The following HPS4 variants were observed in gnomAD, a reference collection of about 807,000 sequenced individuals.
HPS4 encodes the protein HPS4 biogenesis of lysosomal organelles complex 3 subunit 2.
Under a neutral mutation model 70.3 loss-of-function variants are expected in HPS4, and 44 were observed. The observed-to-expected ratio is 0.63, with a 90% CI of 0.49 to 0.80. The LOEUF is 0.80. HPS4 is among the 30% of genes least tolerant of loss of function. HPS4 has a pLI of 0.00. For missense variants in HPS4, 873 were observed against 884.4 expected, an observed-to-expected ratio of 0.99 and a Z score of 0.16; for synonymous variants, 377 against 355.9, an observed-to-expected ratio of 1.06 and a Z score of -0.67.
chr22:26,455,728 T>C (rs1043346001), intron 13 of HPS4, among the ~76,000 whole-genome samples: 1 of 151,334 alleles, frequency 6.6e-6, no homozygotes, highest in Non-Finnish European at 1.5e-5. Context: ...CTAAAACTTA[T>C]AATAATAATA....
exon 4 of HPS4, chr22:26,444,311 T>C: frequency 6.6e-6 from 1 of 152,198 alleles, no homozygotes; most frequent in East Asian, 1.9e-4. Flanking sequence ...CCCTGTGTCT[T>C]TGTCATGGCA....
Position 26,452,037 on chromosome 22 carries a change from C to A in HPS4, c.*1196G>T. 3.1e-6 allele frequency: 1 copy of A among 319,072 alleles called. No homozygotes were observed. The highest frequency in any genetic ancestry group is 2.6e-5 in the South Asian group (1 of 38,786). 19.8% of individuals were successfully genotyped at this position (319,072 alleles called of 1,614,324 possible). A position where few individuals can be genotyped will look rare whatever the true frequency, so the allele number is the denominator to read the frequency against. On this transcript the variant is annotated 3_prime_UTR_variant, in exon 14 of 14. Transcript: ENST00000398145. ...ACACACACACACACACACACACACA[C>A]ACACACTGTCTTAACCCTTACCTTT...
At chr22:26,471,050 G>A in intron 6 of HPS4, 1 of 723,996 alleles carries the variant, frequency 1.4e-6, no homozygotes, top group Non-Finnish European at 2.3e-6. Flanking sequence ...CTGTCCAGAA[G>A]CTAGAAGGTG....
Position 26,477,154 on chromosome 22 carries a change from A to AT in HPS4, c.133-19dup. 6.2e-7 allele frequency: 1 copy of AT among 1,614,106 alleles called. No homozygotes were observed. The highest frequency in any genetic ancestry group is 8.5e-7 in the Non-Finnish European group (1 of 1,179,936). ...AGCAGGGTCTGTGGGAAAGGAGCAC[A>AT]TTCCAGATAGGAAGCTGAAATTCTT... On this transcript the variant is annotated intron_variant, in intron 3 of 13. Coordinates refer to ENST00000398145, the MANE Select transcript of HPS4 (RefSeq NM_022081.6).
intron 8 of HPS4, 158 bp from the exon 9 acceptor site, chr22:26,466,420 T>C: frequency 1.3e-6 from 1 of 797,466 alleles, no homozygotes; most frequent in Non-Finnish European, 2.1e-6. Flanking sequence ...GAACAGAAGC[T>C]CCCCCAAGCT....
At chr22:26,478,081 T>C (rs1415232093) in intron 3 of HPS4, among the ~76,000 whole-genome samples, 1 of 152,216 alleles carries the variant, frequency 6.6e-6, no homozygotes, top group Admixed American at 6.5e-5. Context: ...AAAATTTGAA[T>C]ACAGTCTGGG....
chr22:26,476,345 G>T (rs2090540343), intron 4 of HPS4: 1 of 151,734 alleles, frequency 6.6e-6, no homozygotes, highest in South Asian at 2.1e-4. Flanking sequence ...GTAAAGGAAT[G>T]ATTTTTATTC....
At chr22:26,469,502 C>G (rs1314245820) in intron 7 of HPS4, among the ~76,000 whole-genome samples, 1 of 151,264 alleles carries the variant, frequency 6.6e-6, no homozygotes, top group Non-Finnish European at 1.5e-5. Flanking sequence ...AAATTGTGCT[C>G]TGTGTGTTCC....
chr22:26,479,128 A>T, intron 3 of HPS4, 137 bp downstream of exon 3: 4 of 845,108 alleles, frequency 4.7e-6, no homozygotes, highest in Non-Finnish European at 7.8e-6. Context: ...AAGAAATAGT[A>T]CAACTAAGAA....
downstream of HPS4, among the ~76,000 whole-genome samples, chr22:26,448,514 C>T (rs1413951044): frequency 3.9e-5 from 6 of 152,230 alleles, no homozygotes; most frequent in Non-Finnish European, 8.8e-5. Flanking sequence ...TCCCTCTCCT[C>T]CCCATGGGTT....
chr22:26,450,032 C>T (rs972702280), downstream of HPS4, among the ~76,000 whole-genome samples: 7 of 152,212 alleles, frequency 4.6e-5, no homozygotes, highest in African/African-American at 7.2e-5. Context: ...GCCATCTTCA[C>T]GTGGCCTTCT....
In HPS4 at chr22:26,452,811, G is replaced by A; in HGVS notation, c.*422C>T. ...CGGCACCTCGCTGTGCAGTCACACC[G>A]CCTACCACCACCTGGTGTGGGGGTT... On this transcript the variant is annotated 3_prime_UTR_variant, in exon 14 of 14. Transcript: ENST00000398145. The A allele has an allele frequency of 3.8e-6, 1 of 265,518 alleles. No homozygotes were observed. Among genetic ancestry groups the A allele is most frequent in the Non-Finnish European group, 7.4e-6 (1 of 135,612 alleles). The allele number at this position is 265,518 out of a possible 1,614,324, so 16.4% of individuals were successfully genotyped here.
At chr22:26,479,592 A>G in intron 2 of HPS4, 1 of 1,357,734 alleles carries the variant, frequency 7.4e-7, no homozygotes, top group Non-Finnish European at 9.5e-7. Context: ...CTGCCGGAGA[A>G]GACACGAGTA....
chr22:26,453,032 G>T lies in HPS4; in HGVS notation c.*201C>A. ...AATACAGTTCTTTATCAAGTGCTCTGGGTCTGCCGACCTGAAGAACTAACC... is the reference window on the plus strand; with the variant it reads ...AATACAGTTCTTTATCAAGTGCTCTTGGTCTGCCGACCTGAAGAACTAACC... On this transcript the variant is annotated 3_prime_UTR_variant, in exon 14 of 14. Transcript: ENST00000398145. 1.7e-6 allele frequency: 1 copy of T among 603,028 alleles called. No individual in the cohort carries two copies. The allele number at this position is 603,028 out of a possible 1,614,324, so 37.4% of individuals were successfully genotyped here. A position where few individuals can be genotyped will look rare whatever the true frequency, so the allele number is the denominator to read the frequency against.
At chr22:26,472,278 G>C in intron 6 of HPS4, 24 bp downstream of exon 6, 1 of 1,331,086 alleles carries the variant, frequency 7.5e-7, no homozygotes, top group Non-Finnish European at 1.1e-6. Context: ...CATATAAAAT[G>C]AATAAGGAGG....
intron 3 of HPS4, among the ~76,000 whole-genome samples, chr22:26,479,054 G>A (rs1466288182): frequency 6.6e-6 from 1 of 152,134 alleles, no homozygotes; most frequent in Non-Finnish European, 1.5e-5. Flanking sequence ...AAATCATGAT[G>A]GAAATAGAAA....
At chr22:26,453,438 G>T (rs940203057) in intron 13 of HPS4, 34 bp from the exon 14 acceptor site, 2 of 1,610,216 alleles carry the variant, frequency 1.2e-6, no homozygotes, top group Non-Finnish European at 1.7e-6. Flanking sequence ...ACGGTCCAAT[G>T]CTGCTGGTGC....
In HPS4 at chr22:26,472,833, T is replaced by C. The variant is rs1317602749; in HGVS notation, c.383A>G (p.Glu128Gly). Residue 128 changes from glutamate (E) to glycine (G), a missense_variant and splice_region_variant, in exon 5 of 14, where the codon GAG becomes GGG. Glu to Gly is a moderately conservative substitution (Grantham distance 98, BLOSUM62 -2). Transcript: ENST00000398145. The stretch of plus-strand genomic sequence containing the variant: ...GACTCCTCAACCCCATACTTGTACC[T>C]CATAAGCTAGGGAAACAGGTCCATT... ...FYNGPVSLAY[E>G]NCSQEELSTE... 6.2e-7 allele frequency: 1 copy of C among 1,611,418 alleles called. No individual in the cohort carries two copies. The highest frequency in any genetic ancestry group is 8.5e-7 in the Non-Finnish European group (1 of 1,177,452).
Position 26,482,027 on chromosome 22 carries a change from A to G in HPS4, c.-265T>C. On this transcript the variant is annotated 5_prime_UTR_variant, in exon 2 of 14. Transcript: ENST00000398145. ...AGAAACTATAACAGAGAATCCTAGCAGAAAAGTCAAATCCATTCCTCTGGT... is the reference window on the plus strand; with the variant it reads ...AGAAACTATAACAGAGAATCCTAGCGGAAAAGTCAAATCCATTCCTCTGGT... The G allele has an allele frequency of 2.3e-5, 11 of 473,594 alleles. No homozygotes were observed. The allele number at this position is 473,594 out of a possible 1,614,324, so 29.3% of individuals were successfully genotyped here.
Sources: gnomAD v4.1 joint callset for allele counts (sites outside exome capture counted in the v4.1 genomes callset) on GRCh38, gnomAD v4.1.1 for gene constraint, MANE v1.5 for transcripts, NCBI Gene and HGNC (gene_info 2026-07-23, HGNC 2026-07-21) for gene names.